KCNMB2: variants seen among roughly 807,000 people sequenced by gnomAD.
The protein encoded by KCNMB2 is potassium calcium-activated channel subfamily M regulatory beta subunit 2, also known as calcium-activated potassium channel subunit beta-2.
A neutral mutation model predicts 24.5 loss-of-function variants in KCNMB2; 9 were observed. The ratio of observed to expected loss-of-function variants is 0.37; its 90% CI spans 0.22 to 0.64. The LOEUF (loss-of-function observed/expected upper bound fraction) is 0.64. KCNMB2 is among the 30% of genes least tolerant of loss of function. The pLI is 0.63. For missense variants in KCNMB2, 226 were observed against 284.3 expected, an observed-to-expected ratio of 0.79 and a Z score of 1.47; for synonymous variants, 109 against 104.4, an observed-to-expected ratio of 1.04 and a Z score of -0.27.
intron 1 of KCNMB2, among the ~76,000 whole-genome samples, chr3:178,582,681 T>A (rs1434233219): frequency 6.6e-6 from 1 of 152,164 alleles, no homozygotes; most frequent in Non-Finnish European, 1.5e-5. Context: ...TAATTTTTTT[T>A]AAAAGTTAAT....
chr3:178,778,249 T>C (rs1712662667), intron 1 of KCNMB2, among the ~76,000 whole-genome samples: 1 of 152,102 alleles, frequency 6.6e-6, no homozygotes, highest in Non-Finnish European at 1.5e-5. Context: ...TTGATACAAC[T>C]GAAGCTTTAA....
At chr3:178,830,867 T>C (rs747797427) in intron 4 of KCNMB2, among the ~76,000 whole-genome samples, 1 of 152,186 alleles carries the variant, frequency 6.6e-6, no homozygotes, top group Non-Finnish European at 1.5e-5. Context: ...TCGCATTATG[T>C]GGCCTTTTCA....
intron 1 of KCNMB2, among the ~76,000 whole-genome samples, chr3:178,543,612 C>T (rs999653409): frequency 2.0e-5 from 3 of 152,232 alleles, no homozygotes; most frequent in African/African-American, 7.2e-5. Context: ...TGATCTACTA[C>T]ATAGGTTAAA....
intron 1 of KCNMB2, among the ~76,000 whole-genome samples, chr3:178,574,736 T>C (rs966506730): frequency 6.6e-6 from 1 of 152,212 alleles, no homozygotes; most frequent in Admixed American, 6.5e-5. Flanking sequence ...CCTGTTGCTC[T>C]ATGTGCTGGA....
chr3:178,778,460 A>ATACG (rs1553777053), intron 1 of KCNMB2, among the ~76,000 whole-genome samples: 21 of 48,056 alleles, frequency 4.4e-4, no homozygotes, highest in Non-Finnish European at 6.5e-4. Context: ...TTTAAGACAC[A>ATACG]CACACACACA....
intron 1 of KCNMB2, among the ~76,000 whole-genome samples, chr3:178,776,931 T>C (rs941600449): frequency 2.0e-5 from 3 of 152,120 alleles, no homozygotes; most frequent in Admixed American, 6.6e-5. Context: ...ATAGGAATAA[T>C]AAAAATACCT....
At chr3:178,685,237 T>A (rs1721424187) in intron 1 of KCNMB2, among the ~76,000 whole-genome samples, 1 of 152,232 alleles carries the variant, frequency 6.6e-6, no homozygotes, top group African/African-American at 2.4e-5. Context: ...CCATTAGGTT[T>A]CCTTGATAAA....
chr3:178,820,565 ACTTT>A (rs913764525), intron 2 of KCNMB2: 26 of 152,970 alleles, frequency 1.7e-4, no homozygotes, highest in African/African-American at 6.0e-4. Context: ...AGGAGGAAAA[ACTTT>A]CTTTCACATT....
chr3:178,825,398 G>T (rs1485880727), intron 2 of KCNMB2, among the ~76,000 whole-genome samples, 190 bp from the exon 3 acceptor site: 1 of 152,160 alleles, frequency 6.6e-6, no homozygotes, highest in African/African-American at 2.4e-5. Flanking sequence ...ATACAAGCGT[G>T]CATGTGCTTG....
At chr3:178,716,271 G>A (rs1474458815) in intron 1 of KCNMB2, among the ~76,000 whole-genome samples, 5 of 152,078 alleles carry the variant, frequency 3.3e-5, no homozygotes, top group Non-Finnish European at 5.9e-5. Flanking sequence ...TTTGCAATAC[G>A]TCAGGGTCTT....
At chr3:178,695,676 C>T (rs1282475154) in intron 1 of KCNMB2, among the ~76,000 whole-genome samples, 1 of 152,130 alleles carries the variant, frequency 6.6e-6, no homozygotes, top group Admixed American at 6.5e-5. Flanking sequence ...CATCTCCATC[C>T]GAGACCACCT....
At chr3:178,790,754 C>T (rs139222280) in intron 1 of KCNMB2, among the ~76,000 whole-genome samples, 55 of 152,304 alleles carry the variant, frequency 3.6e-4, no homozygotes, top group African/African-American at 1.2e-3. Flanking sequence ...GGCAACTCGG[C>T]ACAAAGAGAG....
chr3:178,590,872 G>A (rs13095805), intron 1 of KCNMB2, among the ~76,000 whole-genome samples: 27,247 of 152,048 alleles, frequency 0.18, 2,994 homozygotes, highest in African/African-American at 0.3. Context: ...CTGCAATTAC[G>A]ATTTTGGTGC....
At chr3:178,624,598 C>CT (rs1553822970) in intron 1 of KCNMB2, among the ~76,000 whole-genome samples, 82 of 38,770 alleles carry the variant, frequency 2.1e-3, no homozygotes, top group Middle Eastern at 0.015. Flanking sequence ...TTTTTTCTTT[C>CT]TTTTTTTTTT....
intron 1 of KCNMB2, among the ~76,000 whole-genome samples, chr3:178,552,031 C>T (rs906534422): frequency 4.6e-5 from 7 of 152,204 alleles, no homozygotes; most frequent in African/African-American, 1.7e-4. Flanking sequence ...AGCTCCGGAA[C>T]CCAGAAGAAA....
intron 1 of KCNMB2, among the ~76,000 whole-genome samples, chr3:178,627,751 T>C (rs1719172667): frequency 6.6e-6 from 1 of 152,226 alleles, no homozygotes; most frequent in Non-Finnish European, 1.5e-5. Context: ...ATTATGCTAA[T>C]CTGATAAAAT....
intron 1 of KCNMB2, among the ~76,000 whole-genome samples, chr3:178,615,406 G>C (rs1302619645): frequency 6.6e-6 from 1 of 152,192 alleles, no homozygotes; most frequent in East Asian, 1.9e-4. Context: ...TGCTATCCAG[G>C]AGTCAGGGAC....
intron 1 of KCNMB2, among the ~76,000 whole-genome samples, chr3:178,629,412 CTTA>C (rs1403697478): frequency 6.6e-6 from 1 of 152,120 alleles, no homozygotes; most frequent in Non-Finnish European, 1.5e-5. Flanking sequence ...GGGCAAATTT[CTTA>C]TTAGAAGTCT....
At chr3:178,705,456 A>C (rs1722246203) in intron 1 of KCNMB2, among the ~76,000 whole-genome samples, 1 of 152,158 alleles carries the variant, frequency 6.6e-6, no homozygotes, top group African/African-American at 2.4e-5. Context: ...AGGTACTGTG[A>C]AATTATGAAA....
Sources: allele counts gnomAD v4.1 joint callset (sites outside exome capture counted in the v4.1 genomes callset), GRCh38; gene constraint gnomAD v4.1.1; transcripts MANE v1.5; gene names NCBI Gene and HGNC (gene_info 2026-07-23, HGNC 2026-07-21).